DDAH1: variants seen among roughly 807,000 people sequenced by gnomAD.
DDAH1 encodes the protein N(G),N(G)-dimethylarginine dimethylaminohydrolase 1.
In DDAH1, 19 loss-of-function variants were observed where a neutral mutation model predicts 28.8. The observed-to-expected ratio is 0.66, with a 90% CI of 0.46 to 0.97. DDAH1 has a LOEUF of 0.97. DDAH1 is among the 50% of genes least tolerant of loss of function. The pLI is 0.00. For missense variants in DDAH1, 326 were observed against 375.9 expected, an observed-to-expected ratio of 0.87 and a Z score of 1.10; for synonymous variants, 153 against 154.4, an observed-to-expected ratio of 0.99 and a Z score of 0.07.
chr1:85,496,226 T>C lies in DDAH1; in HGVS notation c.-67A>G, dbSNP rs1656589860. On this transcript the variant is annotated 5_prime_UTR_variant, in exon 2 of 7. Transcript: ENST00000426972. Reference sequence around the variant, plus strand: ...CTCTTGCTTTGTATTTTGAAGCATTTCCTACTGAAAAGTCTTGGCCAAAGT... The same window carrying C: ...CTCTTGCTTTGTATTTTGAAGCATTCCCTACTGAAAAGTCTTGGCCAAAGT... 6 of 985,236 alleles carry C rather than the reference T, an allele frequency of 6.1e-6. No homozygotes were observed. The Admixed American group carries it at 3.1e-4, about 50-fold the overall frequency. The allele number at this position is 985,236 out of a possible 1,614,324, so 61.0% of individuals were successfully genotyped here.
At chr1:85,485,439 G>A (rs1229003552) in intron 2 of DDAH1, among the ~76,000 whole-genome samples, 1 of 152,056 alleles carries the variant, frequency 6.6e-6, no homozygotes, top group Non-Finnish European at 1.5e-5. Context: ...CAGAAATTTT[G>A]CAGATTTGGT....
At chr1:85,384,845 T>A (rs917840648) in intron 1 of DDAH1, among the ~76,000 whole-genome samples, 2 of 152,208 alleles carry the variant, frequency 1.3e-5, no homozygotes, top group Non-Finnish European at 2.9e-5. Context: ...TTGATGATCT[T>A]GGTGACATTG....
chr1:85,533,071 T>C (rs1304394345), intron 1 of DDAH1, among the ~76,000 whole-genome samples: 1 of 152,224 alleles, frequency 6.6e-6, no homozygotes, highest in Non-Finnish European at 1.5e-5. Flanking sequence ...TTTTATAATC[T>C]TTTACTAAAC....
At chr1:85,545,162 C>G (rs374977842) in intron 1 of DDAH1, among the ~76,000 whole-genome samples, 1 of 152,112 alleles carries the variant, frequency 6.6e-6, no homozygotes, top group Non-Finnish European at 1.5e-5. Context: ...AGAGCCAGGA[C>G]GTGACTCCCA....
intron 1 of DDAH1, among the ~76,000 whole-genome samples, chr1:85,538,431 CATATGGT>C (rs2100782223): frequency 6.6e-6 from 1 of 152,278 alleles, no homozygotes; most frequent in South Asian, 2.1e-4. Context: ...GATCCTAAAC[CATATGGT>C]ATCATTATTA....
upstream of DDAH1, chr1:85,467,504 G>A (rs1655428730): frequency 6.6e-6 from 1 of 152,046 alleles, no homozygotes; most frequent in Non-Finnish European, 1.5e-5. Context: ...TTTCTAATTT[G>A]TCTAGTTTTG....
chr1:85,510,585 G>A (rs948350539), intron 1 of DDAH1, among the ~76,000 whole-genome samples: 10 of 152,074 alleles, frequency 6.6e-5, no homozygotes, highest in African/African-American at 2.2e-4. Flanking sequence ...ACCCATCAGG[G>A]TGCTGTATTC....
Position 85,324,834 on chromosome 1 carries a change from T to C in DDAH1, c.647A>G (p.Asp216Gly), listed in dbSNP as rs774150320. The change falls in exon 5 of 6, where the codon GAT becomes GGT. Residue 216 changes from aspartate (D) to glycine (G), a missense_variant. Asp to Gly is a moderately conservative substitution (Grantham distance 94). Coordinates refer to ENST00000284031, the MANE Select transcript of DDAH1 (RefSeq NM_012137.4). Reference sequence around the variant, plus strand: ...ATATATACAGTTTGCTGCTATGTCATCAGGCACAGTGAGTTTGTCGTAGCG... The same window carrying C: ...ATATATACAGTTTGCTGCTATGTCACCAGGCACAGTGAGTTTGTCGTAGCG... The part of the protein sequence containing the change: ...DHRYDKLTVP[D>G]DIAANCIYLN... 6.2e-7 allele frequency: 1 copy of C among 1,614,146 alleles called. No individual in the cohort carries two copies. The highest frequency in any genetic ancestry group is 8.5e-7 in the Non-Finnish European group (1 of 1,180,022).
chr1:85,333,166 A>G (rs1230305351), intron 4 of DDAH1, among the ~76,000 whole-genome samples: 1 of 152,216 alleles, frequency 6.6e-6, no homozygotes, highest in Non-Finnish European at 1.5e-5. Flanking sequence ...ACCTCAGCAT[A>G]ATCTCTACTA....
chr1:85,322,951 G>C (rs1279243351), intron 5 of DDAH1, among the ~76,000 whole-genome samples: 1 of 152,002 alleles, frequency 6.6e-6, no homozygotes, highest in Non-Finnish European at 1.5e-5. Flanking sequence ...TTCTAGGGTG[G>C]GGGTCCAGGA....
rs575026984 is a variant in DDAH1 at position 85,443,587 on chromosome 1, G to T, written c.303+21156C>A. ...AGAAAGTCATTGGTAGCTTGATGGG[G>T]ATGGCATTGAATCTATAAATTACCT... On this transcript the variant is annotated intron_variant, in intron 1 of 5. Transcript: ENST00000284031. 5.7e-3 allele frequency among the ~76,000 whole-genome samples: 865 copies of T among 152,260 alleles called. 9 individuals carry two copies. Among genetic ancestry groups the T allele is most frequent in the African/African-American group, 0.019 (801 of 41,532 alleles).
At chr1:85,490,929 G>A (rs886445698) in intron 2 of DDAH1, among the ~76,000 whole-genome samples, 2 of 152,060 alleles carry the variant, frequency 1.3e-5, no homozygotes, top group Admixed American at 6.6e-5. Context: ...GGCTCCTTGA[G>A]CCAACTCTAC....
At chr1:85,399,340 T>A (rs527621798) in intron 1 of DDAH1, 1 of 152,360 alleles carries the variant, frequency 6.6e-6, no homozygotes, top group South Asian at 2.1e-4. Context: ...TGCATGATGA[T>A]GAGTACACCA....
At chr1:85,475,964 AC>A (rs1421892636) in intron 2 of DDAH1, among the ~76,000 whole-genome samples, 2 of 152,010 alleles carry the variant, frequency 1.3e-5, no homozygotes, top group African/African-American at 4.8e-5. Context: ...TGATTCTCCC[AC>A]CTTAGTCTCC....
At chr1:85,414,669 ACTAAC>A (rs1485709728) in intron 1 of DDAH1, among the ~76,000 whole-genome samples, 1 of 152,122 alleles carries the variant, frequency 6.6e-6, no homozygotes, top group Non-Finnish European at 1.5e-5. Context: ...TCCTTTACCC[ACTAAC>A]CTACAATGCT....
chr1:85,352,595 G>A (rs948035926), intron 2 of DDAH1, among the ~76,000 whole-genome samples: 14 of 152,006 alleles, frequency 9.2e-5, no homozygotes, highest in Admixed American at 1.3e-4. Context: ...CACCACAACT[G>A]CTGTTACTCA....
intron 1 of DDAH1, among the ~76,000 whole-genome samples, chr1:85,410,281 A>G (rs1481771516): frequency 6.6e-6 from 1 of 152,144 alleles, no homozygotes; most frequent in Non-Finnish European, 1.5e-5. Flanking sequence ...ACCCTTTCTC[A>G]AGGGAAAAAA....
rs1453573043 is a variant in DDAH1, at chr1:85,345,028, T to TA, written c.597+5386dup. Among the ~76,000 whole-genome samples the TA allele has an allele frequency of 2.0e-5, 3 of 152,302 alleles. No individual in the cohort carries two copies. The South Asian group carries it at 6.2e-4, about 32-fold the overall frequency. ...TAACATATATATTTTTCCTAAACTTTAAAAAATTAAAGTATACAAAGTGTA... is the reference window on the plus strand; with the variant it reads ...TAACATATATATTTTTCCTAAACTTTAAAAAAATTAAAGTATACAAAGTGTA... On this transcript the variant is annotated intron_variant, in intron 4 of 5. Transcript: ENST00000284031.
chr1:85,408,589 G>C (rs1190103374), intron 1 of DDAH1, among the ~76,000 whole-genome samples: 2 of 152,056 alleles, frequency 1.3e-5, no homozygotes, highest in Non-Finnish European at 2.9e-5. Context: ...TTGCTAAAAA[G>C]TATGTCACAG....
Sources: allele counts gnomAD v4.1 joint callset (sites outside exome capture counted in the v4.1 genomes callset), GRCh38; gene constraint gnomAD v4.1.1; transcripts MANE v1.5; gene names NCBI Gene and HGNC (gene_info 2026-07-23, HGNC 2026-07-21).